Variants in PTK2B observed in about 807,000 individuals in gnomAD.
The protein encoded by PTK2B is protein tyrosine kinase 2 beta, also known as protein-tyrosine kinase 2-beta.
A neutral mutation model predicts 142.9 loss-of-function variants in PTK2B; 71 were observed. The observed-to-expected ratio is 0.50, with a 90% CI of 0.41 to 0.61. PTK2B has a LOEUF of 0.61. Ranked by LOEUF, PTK2B falls within the 20% of genes least tolerant of loss-of-function variation. PTK2B has a pLI of 0.00. For synonymous variants in PTK2B, 519 were observed against 503.4 expected (o/e 1.03, Z -0.42); for missense variants, 1,105 against 1,320.4 (o/e 0.84, Z 2.53).
intron 17 of PTK2B, 47 bp downstream of exon 17, chr8:27,437,543 G>A (rs1405531419): frequency 2.8e-6 from 4 of 1,444,486 alleles, no homozygotes; most frequent in East Asian, 2.3e-5. Context: ...AGCATGGGGG[G>A]CATTCAGAGC....
chr8:27,448,672 CTTCCTT>C (rs1436833879), intron 24 of PTK2B, among the ~76,000 whole-genome samples: 1 of 152,234 alleles, frequency 6.6e-6, no homozygotes, highest in African/African-American at 2.4e-5. Context: ...TTACCATACT[CTTCCTT>C]AACCCATACA....
chr8:27,429,644 A>T (rs1204318522), intron 5 of PTK2B, among the ~76,000 whole-genome samples: 2 of 152,232 alleles, frequency 1.3e-5, no homozygotes, highest in Non-Finnish European at 2.9e-5. Context: ...TGGTACCTTT[A>T]ACAAGTGTCT....
intron 2 of PTK2B, among the ~76,000 whole-genome samples, chr8:27,403,077 C>T (rs1413957885): frequency 6.6e-6 from 1 of 152,232 alleles, no homozygotes; most frequent in Non-Finnish European, 1.5e-5. Flanking sequence ...CCCTTCTTCT[C>T]TCTGCTTCCT....
At chr8:27,404,635 C>T (rs1563257323) in intron 2 of PTK2B, among the ~76,000 whole-genome samples, 1 of 152,170 alleles carries the variant, frequency 6.6e-6, no homozygotes, top group African/African-American at 2.4e-5. Flanking sequence ...CACACCTGTC[C>T]TCACCACCAC....
intron 1 of PTK2B, among the ~76,000 whole-genome samples, chr8:27,336,189 T>C (rs1222932111): frequency 1.3e-5 from 2 of 152,214 alleles, no homozygotes; most frequent in Non-Finnish European, 2.9e-5. Context: ...AAAGAAGATA[T>C]GTGTAATTCT....
At chr8:27,454,503 C>A in intron 29 of PTK2B, 28 bp from the exon 30 acceptor site, 1 of 1,607,414 alleles carries the variant, frequency 6.2e-7, no homozygotes, top group South Asian at 1.1e-5. Flanking sequence ...CTAGGAGTGG[C>A]GGCCATCCTG....
chr8:27,430,164 TG>T lies in PTK2B; in HGVS notation c.614+12del. ...AACTTCGAGCTCCTAGAGTAAGTTC[TG>T]GGATCACCCATCTCCCCTCCCTTCC... On this transcript the variant is annotated intron_variant, in intron 6 of 30. Transcript: ENST00000346049. The T allele has an allele frequency of 6.2e-7, 1 of 1,611,240 alleles. No homozygotes were observed. The highest frequency in any genetic ancestry group is 2.2e-5 in the East Asian group (1 of 44,850).
intron 5 of PTK2B, among the ~76,000 whole-genome samples, chr8:27,428,781 T>C (rs1673837596): frequency 6.6e-6 from 1 of 152,226 alleles, no homozygotes; most frequent in African/African-American, 2.4e-5. Flanking sequence ...ATTGGGACCA[T>C]ATTTCTTAAG....
chr8:27,349,876 A>C (rs1804942430), intron 1 of PTK2B, among the ~76,000 whole-genome samples: 1 of 152,208 alleles, frequency 6.6e-6, no homozygotes, highest in East Asian at 1.9e-4. Context: ...TAGACAGGAC[A>C]GACTCCTTCA....
chr8:27,409,587 G>A (rs193053708), intron 2 of PTK2B, among the ~76,000 whole-genome samples: 3 of 152,286 alleles, frequency 2.0e-5, no homozygotes, highest in East Asian at 1.9e-4. Flanking sequence ...GGAGATTTAC[G>A]CCTTGTGTTC....
intron 3 of PTK2B, among the ~76,000 whole-genome samples, chr8:27,317,060 G>A (rs2130533765): frequency 6.6e-6 from 1 of 152,206 alleles, no homozygotes; most frequent in East Asian, 1.9e-4. Context: ...GCTTCCTTTT[G>A]GTTGGAAAAT....
At position 27,439,365 on chromosome 8, in the gene PTK2B, C is replaced by T. The variant is rs745828291; in HGVS notation, c.1801C>T (p.Arg601Cys). Residue 601 changes from arginine to cysteine, a missense_variant, in exon 20 of 31, where the codon CGC becomes TGC. Transcript: ENST00000346049. ...WMSPESINFR[R>C]FTTASDVWMF... Reference sequence around the variant, plus strand: ...GTCCCCAGAGTCCATTAACTTCCGACGCTTCACGACAGCCAGTGACGTCTG... The same window carrying T: ...GTCCCCAGAGTCCATTAACTTCCGATGCTTCACGACAGCCAGTGACGTCTG... 8 of 1,613,970 alleles carry T rather than the reference C, an allele frequency of 5.0e-6. No individual in the cohort carries two copies. The highest frequency in any genetic ancestry group is 2.5e-6 in the Non-Finnish European group (3 of 1,179,952).
chr8:27,441,755 A>G (rs1305221427), intron 21 of PTK2B, among the ~76,000 whole-genome samples: 1 of 152,230 alleles, frequency 6.6e-6, no homozygotes, highest in African/African-American at 2.4e-5. Context: ...AAAAGGCTGC[A>G]GGATAAAAGT....
Position 27,439,392 on chromosome 8 carries a change from A to G in PTK2B, c.1828A>G (p.Met610Val). 8 of 1,612,756 alleles carry G rather than the reference A, an allele frequency of 5.0e-6. No homozygotes were observed. The highest frequency in any genetic ancestry group is 5.9e-6 in the Non-Finnish European group (7 of 1,178,828). The change falls in exon 20 of 31, where the codon ATG becomes GTG. Residue 610 changes from methionine to valine, a missense_variant. Physicochemically the swap from Met to Val is conservative, Grantham distance 21. Coordinates refer to ENST00000346049, the MANE Select transcript of PTK2B (RefSeq NM_173176.3). ...RRFTTASDVW[M>V]FAVCMWEILS... ...CTTCACGACAGCCAGTGACGTCTGG[A>G]TGTTCGGTGAGTGCTGATTTGGGAG...
At chr8:27,408,993 G>C (rs891226255) in intron 2 of PTK2B, among the ~76,000 whole-genome samples, 9 of 152,162 alleles carry the variant, frequency 5.9e-5, no homozygotes, top group African/African-American at 2.2e-4. Flanking sequence ...ATTCGCCAAT[G>C]GTCTTTGACA....
At chr8:27,352,862 T>G (rs1331663924) in intron 1 of PTK2B, among the ~76,000 whole-genome samples, 1 of 152,226 alleles carries the variant, frequency 6.6e-6, no homozygotes, top group Admixed American at 6.5e-5. Flanking sequence ...TAAACCCCTT[T>G]CTTTTGTAAA....
chr8:27,338,223 A>G (rs1285607598), intron 1 of PTK2B, among the ~76,000 whole-genome samples: 1 of 151,992 alleles, frequency 6.6e-6, no homozygotes, highest in African/African-American at 2.4e-5. Context: ...TATGTCAACA[A>G]TATAACCACT....
intron 3 of PTK2B, 43 bp downstream of exon 3, chr8:27,420,116 A>G: frequency 6.2e-7 from 1 of 1,607,442 alleles, no homozygotes; most frequent in South Asian, 1.1e-5. Flanking sequence ...AAGGAGAGGA[A>G]TTTAGGGTGG....
chr8:27,338,516 C>T (rs1253468315), intron 1 of PTK2B, among the ~76,000 whole-genome samples: 1 of 151,948 alleles, frequency 6.6e-6, no homozygotes, highest in Admixed American at 6.6e-5. Context: ...TAACCAAACA[C>T]CACCTGTTCC....
Sources: allele counts gnomAD v4.1 joint callset (sites outside exome capture counted in the v4.1 genomes callset), GRCh38; gene constraint gnomAD v4.1.1; transcripts MANE v1.5; gene names NCBI Gene and HGNC (gene_info 2026-07-23, HGNC 2026-07-21).